PCDH15: variants seen among roughly 807,000 people sequenced by gnomAD.
PCDH15 encodes the protein protocadherin-15.
PCDH15 carries 129 observed loss-of-function variants against 178.5 expected under a neutral mutation model. The ratio of observed to expected loss-of-function variants is 0.72; its 90% confidence interval spans 0.63 to 0.84. The LOEUF (loss-of-function observed/expected upper bound fraction) is 0.84. Ranked by LOEUF, PCDH15 falls within the 40% of genes least tolerant of loss-of-function variation. The pLI, the probability that PCDH15 is intolerant of heterozygous loss-of-function variation, is 0.00. For synonymous variants in PCDH15, 800 were observed against 732.0 expected, an observed-to-expected ratio of 1.09 and a Z score of -1.50; for missense variants, 2,230 against 2,099.9, an observed-to-expected ratio of 1.06 and a Z score of -1.21.
chr10:55,538,541 C>A (rs1244769376), intron 2 of PCDH15, among the ~76,000 whole-genome samples: 1 of 132,846 alleles, frequency 7.5e-6, no homozygotes, highest in Non-Finnish European at 1.6e-5. Flanking sequence ...TTCCTCCTTT[C>A]CTTCCTTCCT....
At chr10:54,478,365 C>A (rs564294316) in intron 3 of PCDH15, among the ~76,000 whole-genome samples, 1 of 152,210 alleles carries the variant, frequency 6.6e-6, no homozygotes, top group East Asian at 1.9e-4. Context: ...AAACCAGTTA[C>A]CTAGCAAACT....
chr10:54,637,823 T>C (rs1031075489), intron 2 of PCDH15, among the ~76,000 whole-genome samples: 18 of 152,182 alleles, frequency 1.2e-4, no homozygotes, highest in African/African-American at 4.3e-4. Context: ...TCAATAAATA[T>C]GGTATTTATC....
At chr10:54,213,205 C>T (rs1015127624) in intron 10 of PCDH15, among the ~76,000 whole-genome samples, 13 of 152,112 alleles carry the variant, frequency 8.5e-5, no homozygotes, top group African/African-American at 2.9e-4. Flanking sequence ...GCCCTTTTCC[C>T]AGTCCCATCT....
intron 2 of PCDH15, among the ~76,000 whole-genome samples, chr10:55,368,693 G>A (rs547244582): frequency 6.6e-6 from 1 of 152,224 alleles, no homozygotes; most frequent in Admixed American, 6.5e-5. Flanking sequence ...AAGACTTAAT[G>A]AGTATTGGCT....
At chr10:54,047,555 C>G (rs1338541702) in intron 18 of PCDH15, among the ~76,000 whole-genome samples, 2 of 151,816 alleles carry the variant, frequency 1.3e-5, no homozygotes, top group Non-Finnish European at 2.9e-5. Flanking sequence ...AGTTTTCAAC[C>G]CTTGTGCCCC....
chr10:53,852,052 C>T (rs112191271), intron 28 of PCDH15, among the ~76,000 whole-genome samples: 7 of 151,798 alleles, frequency 4.6e-5, no homozygotes, highest in African/African-American at 1.5e-4. Context: ...TTTCTAAACT[C>T]GAGTTTATAA....
chr10:53,825,889 A>G (rs1018770313), intron 32 of PCDH15, among the ~76,000 whole-genome samples: 1 of 151,578 alleles, frequency 6.6e-6, no homozygotes, highest in Non-Finnish European at 1.5e-5. Flanking sequence ...CAATTGTTCA[A>G]GTAAAAATAA....
At chr10:53,890,874 T>G (rs7083009) in intron 26 of PCDH15, among the ~76,000 whole-genome samples, 93,591 of 151,952 alleles carry the variant, frequency 0.62, 30,082 homozygotes, top group Middle Eastern at 0.78. Flanking sequence ...AAAATCTCTC[T>G]CCAGGCCTGC....
At chr10:54,418,949 G>A (rs975628891) in intron 3 of PCDH15, among the ~76,000 whole-genome samples, 2 of 151,872 alleles carry the variant, frequency 1.3e-5, no homozygotes, top group Non-Finnish European at 2.9e-5. Context: ...TTGAGGAGTG[G>A]CAATAGCTAT....
chr10:55,014,721 C>T (rs1164233290), intron 2 of PCDH15, among the ~76,000 whole-genome samples: 1 of 152,122 alleles, frequency 6.6e-6, no homozygotes, highest in African/African-American at 2.4e-5. Context: ...TTTCTTTAGA[C>T]TACTCTGATC....
chr10:55,095,915 CAGG>C (rs1393927438), intron 2 of PCDH15, among the ~76,000 whole-genome samples: 1 of 151,962 alleles, frequency 6.6e-6, no homozygotes, highest in Non-Finnish European at 1.5e-5. Context: ...ATTGAAAAAT[CAGG>C]AGCTGTGGGT....
upstream of PCDH15, among the ~76,000 whole-genome samples, chr10:55,320,288 C>T (rs541972004): frequency 2.0e-5 from 3 of 152,146 alleles, no homozygotes; most frequent in African/African-American, 7.2e-5. Flanking sequence ...CACACACACA[C>T]GTGGATGTCA....
chr10:54,983,962 T>C (rs1839303338), intron 2 of PCDH15, among the ~76,000 whole-genome samples: 1 of 152,098 alleles, frequency 6.6e-6, no homozygotes. Context: ...ACGCTATATA[T>C]ATGGATTTCT....
At chr10:55,053,417 G>A (rs1482663201) in intron 2 of PCDH15, among the ~76,000 whole-genome samples, 3 of 152,126 alleles carry the variant, frequency 2.0e-5, no homozygotes, top group African/African-American at 7.2e-5. Context: ...CCTCTGACAG[G>A]AGAAATCACT....
At chr10:54,518,436 T>C (rs575818659) in intron 3 of PCDH15, among the ~76,000 whole-genome samples, 2 of 152,196 alleles carry the variant, frequency 1.3e-5, no homozygotes, top group South Asian at 2.1e-4. Flanking sequence ...CAAACACCTC[T>C]ACGCAAATAA....
At chr10:54,319,543 G>T (rs908579998) in intron 7 of PCDH15, among the ~76,000 whole-genome samples, 1 of 152,140 alleles carries the variant, frequency 6.6e-6, no homozygotes, top group Non-Finnish European at 1.5e-5. Context: ...TGCATGAGTG[G>T]TGCCAGCTCT....
chr10:54,360,870 A>G (rs186676212), intron 5 of PCDH15, among the ~76,000 whole-genome samples: 72 of 152,174 alleles, frequency 4.7e-4, no homozygotes, highest in Non-Finnish European at 6.0e-4. Flanking sequence ...CAAATTTATC[A>G]TAGGGAAAGT....
chr10:53,874,960 C>T (rs1199770191), intron 26 of PCDH15, among the ~76,000 whole-genome samples: 1 of 151,784 alleles, frequency 6.6e-6, no homozygotes, highest in Non-Finnish European at 1.5e-5. Context: ...TTAAGCGCAG[C>T]TGACCAGGGA....
intron 2 of PCDH15, among the ~76,000 whole-genome samples, chr10:54,603,291 A>C (rs12413123): frequency 0.15 from 22,372 of 151,838 alleles, 1,893 homozygotes; most frequent in Non-Finnish European, 0.18. Context: ...TACTCTAGGA[A>C]AGGATGTGTC....
Sources: gnomAD v4.1 joint callset for allele counts (sites outside exome capture counted in the v4.1 genomes callset) on GRCh38, gnomAD v4.1.1 for gene constraint, MANE v1.5 for transcripts, NCBI Gene and HGNC (gene_info 2026-07-23, HGNC 2026-07-21) for gene names.